Variants in ADCY2 observed in about 807,000 individuals in gnomAD.
ADCY2 encodes adenylate cyclase type 2.
ADCY2 carries 31 observed loss-of-function variants against 125.2 expected under a neutral mutation model. The observed-to-expected ratio is 0.25, with a 90% CI of 0.19 to 0.33. The LOEUF (loss-of-function observed/expected upper bound fraction) is 0.33, where lower values mean the gene tolerates loss of function less well. Among genes scored for constraint, ADCY2 ranks in the 10% least tolerant of loss-of-function variants. The pLI, the probability that ADCY2 is intolerant of heterozygous loss-of-function variation, is 1.00. For synonymous variants in ADCY2, 512 were observed against 548.4 expected, an observed-to-expected ratio of 0.93 and a Z score of 0.93; for missense variants, 904 against 1,418.2, an observed-to-expected ratio of 0.64 and a Z score of 5.82.
chr5:7,596,705 C>A (rs181766410), intron 3 of ADCY2, among the ~76,000 whole-genome samples: 2 of 152,274 alleles, frequency 1.3e-5, no homozygotes, highest in Admixed American at 1.3e-4. Flanking sequence ...GCCTGGCACT[C>A]AGTAAAAGCT....
intron 5 of ADCY2, among the ~76,000 whole-genome samples, chr5:7,693,019 G>C (rs939187424): frequency 1.3e-5 from 2 of 152,062 alleles, no homozygotes; most frequent in Non-Finnish European, 2.9e-5. Flanking sequence ...CTACACACTT[G>C]TTTTGATTTG....
At chr5:7,538,092 G>A (rs1242652867) in intron 3 of ADCY2, among the ~76,000 whole-genome samples, 5 of 152,206 alleles carry the variant, frequency 3.3e-5, no homozygotes, top group Non-Finnish European at 5.9e-5. Flanking sequence ...TGGGAGCTCC[G>A]TGAGGGAAGG....
At chr5:7,621,773 C>T (rs1737962410) in intron 3 of ADCY2, among the ~76,000 whole-genome samples, 1 of 152,134 alleles carries the variant, frequency 6.6e-6, no homozygotes, top group Non-Finnish European at 1.5e-5. Flanking sequence ...AATTTGCATC[C>T]TCTGAGAAGC....
chr5:7,741,212 GA>G (rs1742396532), intron 14 of ADCY2, among the ~76,000 whole-genome samples: 1 of 152,060 alleles, frequency 6.6e-6, no homozygotes, highest in South Asian at 2.1e-4. Context: ...AAACATGGCA[GA>G]AATGTGACAT....
intron 15 of ADCY2, among the ~76,000 whole-genome samples, chr5:7,746,977 A>AT (rs1365278869): frequency 2.5e-5 from 1 of 39,590 alleles, no homozygotes; most frequent in Non-Finnish European, 6.2e-5. Flanking sequence ...AGGCAAAAAA[A>AT]ATGGTGATGA....
At chr5:7,401,988 G>A (rs1213610696) in intron 1 of ADCY2, among the ~76,000 whole-genome samples, 1 of 152,196 alleles carries the variant, frequency 6.6e-6, no homozygotes, top group Non-Finnish European at 1.5e-5. Context: ...AGTATTTAGA[G>A]CACCTGGGTT....
chr5:7,730,217 T>C (rs1232097077), intron 14 of ADCY2, among the ~76,000 whole-genome samples: 1 of 152,248 alleles, frequency 6.6e-6, no homozygotes, highest in East Asian at 1.9e-4. Context: ...TATTATTTCT[T>C]TTATTTTTTT....
intron 4 of ADCY2, among the ~76,000 whole-genome samples, chr5:7,681,442 G>T (rs531952508): frequency 5.0e-4 from 76 of 152,274 alleles, no homozygotes; most frequent in African/African-American, 1.8e-3. Context: ...CAGAGGTGTG[G>T]ACATCTGCCT....
intron 4 of ADCY2, among the ~76,000 whole-genome samples, chr5:7,650,680 C>G (rs1739057626): frequency 6.6e-6 from 1 of 152,074 alleles, no homozygotes; most frequent in African/African-American, 2.4e-5. Flanking sequence ...TGCTGTTTTT[C>G]TAAATGAAAT....
At chr5:7,569,247 C>T (rs895141119) in intron 3 of ADCY2, among the ~76,000 whole-genome samples, 2 of 151,956 alleles carry the variant, frequency 1.3e-5, no homozygotes, top group South Asian at 2.1e-4. Context: ...CAGAGGATAC[C>T]GCAGGACAGA....
chr5:7,628,613 G>T (rs1738208589), intron 4 of ADCY2, among the ~76,000 whole-genome samples: 1 of 152,118 alleles, frequency 6.6e-6, no homozygotes, highest in South Asian at 2.1e-4. Flanking sequence ...AAAGAAATAA[G>T]AACTGATATT....
chr5:7,802,135 C>A lies in ADCY2; in HGVS notation c.2629-83C>A. On this transcript the variant is annotated intron_variant, in intron 20 of 24. Transcript: ENST00000338316. This position sits in a 1 kb window ranked among gnomAD's most constrained non-coding sequence, Gnocchi z 4.6. ...TGGGCGATGTCTGTGTGAATCCTGG[C>A]ATAAACAAGCCACTTGCCTGTGGAG... 1 of 1,500,670 alleles carries A rather than the reference C, an allele frequency of 6.7e-7. No homozygotes were observed. Among genetic ancestry groups the A allele is most frequent in the Non-Finnish European group, 9.0e-7 (1 of 1,106,868 alleles). 93.0% of individuals were successfully genotyped at this position (1,500,670 alleles called of 1,614,324 possible).
chr5:7,688,426 C>T (rs1408312316), intron 4 of ADCY2, among the ~76,000 whole-genome samples: 1 of 128,734 alleles, frequency 7.8e-6, no homozygotes, highest in Non-Finnish European at 1.7e-5. Flanking sequence ...TGCCACCATG[C>T]CCAGCTAATT....
At chr5:7,684,775 CTTTT>C (rs10662818) in intron 4 of ADCY2, among the ~76,000 whole-genome samples, 1 of 141,436 alleles carries the variant, frequency 7.1e-6, no homozygotes, top group African/African-American at 2.6e-5. Context: ...TCTGTTGTGC[CTTTT>C]TTTTTTTTTT....
intron 22 of ADCY2, among the ~76,000 whole-genome samples, chr5:7,810,087 T>C (rs1441618492): frequency 6.6e-6 from 1 of 152,184 alleles, no homozygotes; most frequent in Non-Finnish European, 1.5e-5. Flanking sequence ...CAGCCCCTGC[T>C]TGTTTCTTTC....
chr5:7,535,881 C>T (rs779843096), intron 3 of ADCY2, among the ~76,000 whole-genome samples: 3 of 152,094 alleles, frequency 2.0e-5, no homozygotes, highest in Non-Finnish European at 4.4e-5. Flanking sequence ...GCAGCCCCCG[C>T]GATGTTTGTC....
chr5:7,655,188 G>A (rs889525517), intron 4 of ADCY2, among the ~76,000 whole-genome samples: 3 of 152,234 alleles, frequency 2.0e-5, no homozygotes, highest in East Asian at 1.9e-4. Flanking sequence ...GGGGCGCTAC[G>A]TTCATGGCAC....
At chr5:7,768,788 A>G (rs1743471514) in intron 17 of ADCY2, among the ~76,000 whole-genome samples, 1 of 152,216 alleles carries the variant, frequency 6.6e-6, no homozygotes. Flanking sequence ...GATTTAGTAA[A>G]CAGGCTACTA....
Position 7,444,136 on chromosome 5 carries a change from C to T in ADCY2, c.408+29366C>T, listed in dbSNP as rs1741132698. ...CTTTTTTTTTTTTTTTTTTTTGAGA[C>T]GGAGTCTCGCTCTGTCTCCCCGGCT... On this transcript the variant is annotated intron_variant, in intron 2 of 24. Coordinates refer to ENST00000338316, the MANE Select transcript of ADCY2 (RefSeq NM_020546.3). 4.8e-5 allele frequency among the ~76,000 whole-genome samples: 6 copies of T among 124,188 alleles called. No individual in the cohort carries two copies. The South Asian group carries it at 7.7e-4, about 16-fold the overall frequency. 81.5% of individuals were successfully genotyped at this position (124,188 alleles called of 152,430 possible). A position where few individuals can be genotyped will look rare whatever the true frequency, so the allele number is the denominator to read the frequency against.
Sources: gnomAD v4.1 joint callset for allele counts (sites outside exome capture counted in the v4.1 genomes callset) on GRCh38, gnomAD v4.1.1 for gene constraint, Gnocchi (gnomAD v3.1) non-coding constraint, MANE v1.5 for transcripts, NCBI Gene and HGNC (gene_info 2026-07-23, HGNC 2026-07-21) for gene names.